Variants in ZDHHC1 observed in about 807,000 individuals in gnomAD.
The protein encoded by ZDHHC1 is palmitoyltransferase ZDHHC1.
Under a neutral mutation model 46.9 loss-of-function variants are expected in ZDHHC1, and 45 were observed. That is an observed-to-expected ratio of 0.96 (90% CI 0.76 to 1.23). The LOEUF is 1.23. Among genes scored for constraint, ZDHHC1 ranks in the 50% most tolerant of loss-of-function variants. The pLI is 0.00. For missense variants in ZDHHC1, 649 were observed against 670.8 expected (o/e 0.97, Z 0.36); for synonymous variants, 291 against 286.0 (o/e 1.02, Z -0.18).
At chr16:67,413,271 C>T (rs1453343813) in intron 1 of ZDHHC1, among the ~76,000 whole-genome samples, 1 of 152,090 alleles carries the variant, frequency 6.6e-6, no homozygotes, top group Non-Finnish European at 1.5e-5. Flanking sequence ...ATGAGTATTC[C>T]TAAATGAACT....
chr16:67,408,178 TC>T (rs1415468266), intron 1 of ZDHHC1, among the ~76,000 whole-genome samples: 1 of 152,028 alleles, frequency 6.6e-6, no homozygotes, highest in African/African-American at 2.4e-5. Flanking sequence ...TTTTTTTTTT[TC>T]TTCTGAGACA....
Position 67,406,140 on chromosome 16 carries a change from T to C in ZDHHC1, c.252+60A>G. The C allele has an allele frequency of 6.4e-7, 1 of 1,568,050 alleles. No homozygotes were observed. Among genetic ancestry groups the C allele is most frequent in the Non-Finnish European group, 8.7e-7 (1 of 1,154,730 alleles). ...TCAACCCGGCTTTGGGCCTCCGCTG[T>C]GCCAGCCATCCTTTGCCTCCCCACT... On this transcript the variant is annotated intron_variant, in intron 3 of 11. Transcript: ENST00000565726. This position sits in a 1 kb window ranked among gnomAD's most constrained non-coding sequence, Gnocchi z 4.1.
intron 8 of ZDHHC1, among the ~76,000 whole-genome samples, chr16:67,397,808 G>A (rs1034867582): frequency 2.0e-5 from 3 of 152,222 alleles, no homozygotes; most frequent in Admixed American, 2.0e-4. Context: ...AGAAGAGGCT[G>A]TTCTAAGCAT....
Position 67,398,804 on chromosome 16 carries a change from C to G in ZDHHC1, c.655+16G>C, listed in dbSNP as rs775245008. On this transcript the variant is annotated intron_variant, in intron 6 of 11. Transcript: ENST00000565726. ...CCAGGGTTGGGGGTGAGAATAGGCC[C>G]GGAGCCTAAACTGACCTTCAAAGTG... 1 of 1,612,156 alleles carries G rather than the reference C, an allele frequency of 6.2e-7. No individual in the cohort carries two copies. Among genetic ancestry groups the G allele is most frequent in the Non-Finnish European group, 8.5e-7 (1 of 1,179,342 alleles).
In ZDHHC1 at chr16:67,406,395, ACT is replaced by A; in HGVS notation, c.55_56del (p.Ser19CysfsTer14). 1 of 1,572,540 alleles carries A rather than the reference ACT, an allele frequency of 6.4e-7. No individual in the cohort carries two copies. Among genetic ancestry groups the A allele is most frequent in the Non-Finnish European group, 8.6e-7 (1 of 1,158,900 alleles). On this transcript the variant is annotated frameshift_variant, in exon 3 of 12. Coordinates refer to ENST00000565726, the MANE Select transcript of ZDHHC1 (RefSeq NM_001323627.2). LOFTEE classifies it high-confidence loss of function. The surrounding 1 kb of genome is among the most constrained non-coding windows in gnomAD (Gnocchi z 4.1). ...KPSNKTAPEK[S>X]VWTAPAQPSG... Reference sequence around the variant, plus strand: ...TGGGCTGTGCCGGTGCCGTCCACACACTCTTCTCAGGGGCCGTCTTGTTGGAG... The same window carrying A: ...TGGGCTGTGCCGGTGCCGTCCACACACTTCTCAGGGGCCGTCTTGTTGGAG...
rs756233368 is a variant in ZDHHC1 at position 67,394,887 on chromosome 16, C to G, written c.1172G>C (p.Arg391Thr). The change falls in exon 12 of 12, where the codon AGG (arginine) becomes ACG (threonine). Residue 391 changes from arginine (R) to threonine (T), a missense_variant. Coordinates refer to ENST00000565726, the MANE Select transcript of ZDHHC1 (RefSeq NM_001323627.2). ...CGAGCTGGAGCGGCGGCTGGGGGCC[C>G]TAGGCCCTGCGCAAGGGAAGGGAAC... ...SETSDPASGPRAPSRRSSSST... is the reference protein window; with the variant it reads ...SETSDPASGPTAPSRRSSSST... 13 of 1,561,760 alleles carry G rather than the reference C, an allele frequency of 8.3e-6. No homozygotes were observed. The highest frequency in any genetic ancestry group is 1.1e-5 in the Non-Finnish European group (13 of 1,156,210).
chr16:67,395,121 G>A (rs2040399838), intron 10 of ZDHHC1, 59 bp from the exon 11 acceptor site: 1 of 1,613,186 alleles, frequency 6.2e-7, no homozygotes, highest in Non-Finnish European at 8.5e-7. Context: ...AGAGGCGAGC[G>A]CCAGGGTAGA....
In ZDHHC1 at chr16:67,406,217, C is replaced by T. The variant is rs1567520689; in HGVS notation, c.235G>A (p.Val79Met). 13 of 1,613,684 alleles carry T rather than the reference C, an allele frequency of 8.1e-6. No homozygotes were observed. The highest frequency in any genetic ancestry group is 1.0e-5 in the Non-Finnish European group (12 of 1,179,902). ...ILVPLLPHHW[V>M]PAGYACMGAI... ...AAGGATACAGCGTAGCCAGCGGGCA[C>T]CCAGTGGTGAGGCAGGAGGGGAACA... The change falls in exon 3 of 12, where the codon GTG becomes ATG. Residue 79 changes from valine to methionine, a missense_variant. Val to Met is a conservative substitution (Grantham distance 21, BLOSUM62 1). Coordinates refer to ENST00000565726, the MANE Select transcript of ZDHHC1 (RefSeq NM_001323627.2). The surrounding 1 kb of genome is among the most constrained non-coding windows in gnomAD (Gnocchi z 4.1).
chr16:67,400,224 A>T (rs1414394019), intron 4 of ZDHHC1, among the ~76,000 whole-genome samples: 1 of 152,040 alleles, frequency 6.6e-6, no homozygotes, highest in Non-Finnish European at 1.5e-5. Flanking sequence ...CTGCAGACAG[A>T]CCCCTTCAAC....
chr16:67,411,887 C>T (rs2040752734), intron 1 of ZDHHC1, among the ~76,000 whole-genome samples: 1 of 152,120 alleles, frequency 6.6e-6, no homozygotes, highest in Non-Finnish European at 1.5e-5. Context: ...TCGAGGAGGG[C>T]AGATCACTTG....
At position 67,416,381 on chromosome 16, in the gene ZDHHC1, C is replaced by T; in HGVS notation, c.-249G>A. Reference sequence around the variant, plus strand: ...GTGAGTCCTCGAGCTCTGGCTCTGGCTCCGGCTCCGGCTCCGGCTCCGGCT... The same window carrying T: ...GTGAGTCCTCGAGCTCTGGCTCTGGTTCCGGCTCCGGCTCCGGCTCCGGCT... On this transcript the variant is annotated 5_prime_UTR_variant, in exon 1 of 12. Transcript: ENST00000565726. The T allele has an allele frequency of 6.6e-6, 1 of 152,028 alleles. No individual in the cohort carries two copies. Among genetic ancestry groups the T allele is most frequent in the Non-Finnish European group, 1.1e-5 (1 of 89,276 alleles). The allele number at this position is 152,028 out of a possible 1,614,324, so 9.4% of individuals were successfully genotyped here.
chr16:67,399,485 G>A, intron 4 of ZDHHC1, 29 bp from the exon 5 acceptor site: 1 of 1,581,836 alleles, frequency 6.3e-7, no homozygotes, highest in Non-Finnish European at 8.7e-7. Flanking sequence ...CAGCGCGATT[G>A]GCCGGCTCAT....
At position 67,406,192 on chromosome 16, in the gene ZDHHC1, A is replaced by C. The variant is rs1317919960; in HGVS notation, c.252+8T>G. 3 of 1,613,412 alleles carry C rather than the reference A, an allele frequency of 1.9e-6. No homozygotes were observed. On this transcript the variant is annotated splice_region_variant and intron_variant, in intron 3 of 11. Coordinates refer to ENST00000565726, the MANE Select transcript of ZDHHC1 (RefSeq NM_001323627.2). The surrounding 1 kb of genome is among the most constrained non-coding windows in gnomAD (Gnocchi z 4.1). The stretch of plus-strand genomic sequence containing the variant: ...CCACACACCAGCCCTACGCTTTCCC[A>C]AGGATACAGCGTAGCCAGCGGGCAC...
chr16:67,406,262 C>T lies in ZDHHC1; in HGVS notation c.190G>A (p.Val64Met), dbSNP rs1201301719. The change falls in exon 3 of 12, where the codon GTG becomes ATG. Residue 64 changes from valine (V) to methionine (M), a missense_variant. By Grantham distance (21) the Val-to-Met change is conservative (BLOSUM62 1). Transcript: ENST00000565726. This position sits in a 1 kb window ranked among gnomAD's most constrained non-coding sequence, Gnocchi z 4.1. ...VAWLLYLFFA[V>M]IGFGILVPLL... ...GGAACAAGGATCCCAAAGCCGATCA[C>T]AGCAAAGAAGAGGTACAGCAGCCAG... is the stretch of plus-strand genomic sequence containing the variant. The T allele has an allele frequency of 9.3e-6, 15 of 1,612,494 alleles. No individual in the cohort carries two copies. The highest frequency in any genetic ancestry group is 1.3e-5 in the Non-Finnish European group (15 of 1,179,508).
rs200155613 is a variant in ZDHHC1, at chr16:67,398,564, G to C, written c.814+9C>G. Reference sequence around the variant, plus strand: ...TGCGTTCCAGAAGGCAGGTGCAGGAGGCACTTACTGAGATAAATGTGGAAG... The same window carrying C: ...TGCGTTCCAGAAGGCAGGTGCAGGACGCACTTACTGAGATAAATGTGGAAG... On this transcript the variant is annotated intron_variant, in intron 7 of 11. Coordinates refer to ENST00000565726, the MANE Select transcript of ZDHHC1 (RefSeq NM_001323627.2). 1.9e-6 allele frequency: 3 copies of C among 1,591,706 alleles called. No individual in the cohort carries two copies. Among genetic ancestry groups the C allele is most frequent in the Non-Finnish European group, 2.6e-6 (3 of 1,172,180 alleles).
Position 67,394,816 on chromosome 16 carries a change from C to A in ZDHHC1, c.1243G>T (p.Ala415Ser), listed in dbSNP as rs752439868. Residue 415 changes from alanine to serine, a missense_variant, in exon 12 of 12, where the codon GCC becomes TCC. Coordinates refer to ENST00000565726, the MANE Select transcript of ZDHHC1 (RefSeq NM_001323627.2). Reference protein sequence around the residue: ...DASPVHAAGPAGAYHSASAES... With the variant: ...DASPVHAAGPSGAYHSASAES... ...GCCGACGCCGAGTGGTAGGCGCCGG[C>A]AGGGCCAGCGGCGTGCACAGGGCTG... 6.5e-6 allele frequency: 10 copies of A among 1,529,668 alleles called. No individual in the cohort carries two copies. Among genetic ancestry groups the A allele is most frequent in the Non-Finnish European group, 8.8e-6 (10 of 1,142,578 alleles). The allele number at this position is 1,529,668 out of a possible 1,614,324, so 94.8% of individuals were successfully genotyped here. A position where few individuals can be genotyped will look rare whatever the true frequency, so the allele number is the denominator to read the frequency against.
intron 8 of ZDHHC1, among the ~76,000 whole-genome samples, chr16:67,397,457 G>A (rs560486492): frequency 2.6e-5 from 4 of 152,332 alleles, no homozygotes; most frequent in African/African-American, 9.6e-5. Context: ...CACAAGTAGT[G>A]TCCAGCCCTG....
chr16:67,412,594 CA>C (rs2040765553), intron 1 of ZDHHC1, among the ~76,000 whole-genome samples: 1 of 152,174 alleles, frequency 6.6e-6, no homozygotes, highest in Non-Finnish European at 1.5e-5. Context: ...GGGATCTTGT[CA>C]AAGCTGGAAT....
chr16:67,412,785 T>C (rs961711669), intron 1 of ZDHHC1, among the ~76,000 whole-genome samples: 1 of 151,908 alleles, frequency 6.6e-6, no homozygotes, highest in Non-Finnish European at 1.5e-5. Flanking sequence ...ATGTGAGAGA[T>C]TTTCTTCTCT....
Sources: gnomAD v4.1 joint callset for allele counts (sites outside exome capture counted in the v4.1 genomes callset) on GRCh38, gnomAD v4.1.1 for gene constraint, Gnocchi (gnomAD v3.1) non-coding constraint, MANE v1.5 for transcripts, NCBI Gene and HGNC (gene_info 2026-07-23, HGNC 2026-07-21) for gene names.